Variants in TESC observed in about 807,000 individuals in gnomAD.
TESC encodes calcineurin B homologous protein 3.
In TESC, 19 loss-of-function variants were observed where a neutral mutation model predicts 31.0. The observed-to-expected ratio is 0.61, with a 90% CI of 0.43 to 0.90. TESC has a LOEUF of 0.90. Among genes scored for constraint, TESC ranks in the 40% least tolerant of loss-of-function variants. The probability of loss-of-function intolerance (pLI) is 0.00; values close to 1 mark genes in which losing one functional copy is unlikely to be tolerated. For synonymous variants in TESC, 109 were observed against 114.8 expected, an observed-to-expected ratio of 0.95 and a Z score of 0.32; for missense variants, 248 against 303.8, an observed-to-expected ratio of 0.82 and a Z score of 1.36.
rs1954732197 is a variant in TESC at position 117,056,803 on chromosome 12, C to T, written c.209+3G>A. On this transcript the variant is annotated splice_donor_region_variant and intron_variant, in intron 3 of 7. Transcript: ENST00000335209. Reference sequence around the variant, plus strand: ...CTGGGCTGGTTCAGGGGAAAACGCCCACCTGTTGTCGAAGAAGGCACGAAC... The same window carrying T: ...CTGGGCTGGTTCAGGGGAAAACGCCTACCTGTTGTCGAAGAAGGCACGAAC... 6.2e-7 allele frequency: 1 copy of T among 1,614,064 alleles called. No individual in the cohort carries two copies. The highest frequency in any genetic ancestry group is 8.5e-7 in the Non-Finnish European group (1 of 1,179,980).
In TESC at chr12:117,099,269, T is replaced by G. The variant is rs1330388595; in HGVS notation, c.14A>C (p.His5Pro). 1 of 1,456,924 alleles carries G rather than the reference T, an allele frequency of 6.9e-7. No homozygotes were observed. The highest frequency in any genetic ancestry group is 9.0e-7 in the Non-Finnish European group (1 of 1,111,886). 90.2% of individuals were successfully genotyped at this position (1,456,924 alleles called of 1,614,324 possible). MGAA[H>P]SASEEVRELE... Reference sequence around the variant, plus strand: ...CTCCCGCACCTCCTCAGACGCGGAGTGGGCAGCGCCCATGGTGCCCGCGGC... The same window carrying G: ...CTCCCGCACCTCCTCAGACGCGGAGGGGGCAGCGCCCATGGTGCCCGCGGC... Residue 5 changes from histidine to proline, a missense_variant, in exon 1 of 8, where the codon CAC becomes CCC. Coordinates refer to ENST00000335209, the MANE Select transcript of TESC (RefSeq NM_017899.4).
chr12:117,059,105 G>A (rs1202643998), intron 2 of TESC, among the ~76,000 whole-genome samples: 1 of 152,254 alleles, frequency 6.6e-6, no homozygotes, highest in Non-Finnish European at 1.5e-5. Context: ...CGTCCGGGTG[G>A]GAAGTGATGA....
At chr12:117,086,145 T>C (rs1955216717) in intron 1 of TESC, among the ~76,000 whole-genome samples, 1 of 151,932 alleles carries the variant, frequency 6.6e-6, no homozygotes, top group South Asian at 2.1e-4. Context: ...GAGGAGGAAA[T>C]GGGGAGTGAC....
At chr12:117,064,455 GCCCCATGTCAGTC>G (rs1954844582) in intron 2 of TESC, among the ~76,000 whole-genome samples, 1 of 152,152 alleles carries the variant, frequency 6.6e-6, no homozygotes, top group Non-Finnish European at 1.5e-5. Context: ...CCCTGTCCCT[GCCCCATGTCAGTC>G]CCCCACTTTC....
At chr12:117,048,531 A>G (rs527328454) in intron 4 of TESC, 13 of 365,576 alleles carry the variant, frequency 3.6e-5, no homozygotes, top group Non-Finnish European at 6.0e-5. Context: ...CGGGAGCCAG[A>G]ACATAGTGGG....
At chr12:117,072,330 G>A (rs1224212847) in intron 2 of TESC, among the ~76,000 whole-genome samples, 1 of 152,150 alleles carries the variant, frequency 6.6e-6, no homozygotes, top group African/African-American at 2.4e-5. Context: ...CGATCCTCCA[G>A]CCTTGGCCTC....
rs183752420 is a variant in TESC at position 117,048,243 on chromosome 12, C to T, written c.349+776G>A. On this transcript the variant is annotated intron_variant, in intron 4 of 7. Transcript: ENST00000335209. ...GAAACCAGGGATTTGGACCTGAGTC[C>T]GTCCTGTTCCACGCCCCTTGGAGCA... Among the ~76,000 whole-genome samples the T allele has an allele frequency of 1.5e-3, 225 of 152,334 alleles. 1 individual carries two copies. Among genetic ancestry groups the T allele is most frequent in the Admixed American group, 2.4e-3 (36 of 15,302 alleles).
intron 2 of TESC, among the ~76,000 whole-genome samples, chr12:117,064,994 G>A (rs1490639109): frequency 6.6e-6 from 1 of 152,232 alleles, no homozygotes; most frequent in Non-Finnish European, 1.5e-5. Context: ...TAGAGCCCTG[G>A]GGTGGGGAAC....
At chr12:117,075,224 G>A (rs1442971180) in intron 2 of TESC, 47 bp downstream of exon 2, 1 of 1,576,674 alleles carries the variant, frequency 6.3e-7, no homozygotes, top group East Asian at 2.3e-5. Flanking sequence ...CAAGAAATTT[G>A]CAAGGGCATG....
rs573501996 is a variant in TESC, at chr12:117,093,025, C to G, written c.58+6200G>C. On this transcript the variant is annotated intron_variant, in intron 1 of 7. Coordinates refer to ENST00000335209, the MANE Select transcript of TESC (RefSeq NM_017899.4). ...ACCTAGCCCAGAGGAAGAGAAAAGG[C>G]ACGGGGGACTGGCTGGTTGGCTGTT... 1.2e-4 allele frequency among the ~76,000 whole-genome samples: 19 copies of G among 152,304 alleles called. No individual in the cohort carries two copies. The South Asian group carries it at 3.7e-3, about 30-fold the overall frequency.
rs149335209 is a variant in TESC, at chr12:117,093,067, G to A, written c.58+6158C>T. On this transcript the variant is annotated intron_variant, in intron 1 of 7. Coordinates refer to ENST00000335209, the MANE Select transcript of TESC (RefSeq NM_017899.4). Reference sequence around the variant, plus strand: ...TTGGCTGTTCAGCTTACCAAGCTTTGGCGGACGACAGAACAGTGTGGAGCT... The same window carrying A: ...TTGGCTGTTCAGCTTACCAAGCTTTAGCGGACGACAGAACAGTGTGGAGCT... Among the ~76,000 whole-genome samples, 12 of 152,308 alleles carry A rather than the reference G, an allele frequency of 7.9e-5. No individual in the cohort carries two copies. The East Asian group carries it at 2.3e-3, about 29-fold the overall frequency.
chr12:117,081,821 T>C lies in TESC; in HGVS notation c.59-6481A>G, dbSNP rs1305815016. Among the ~76,000 whole-genome samples the C allele has an allele frequency of 2.0e-5, 3 of 152,010 alleles. No individual in the cohort carries two copies. The South Asian group carries it at 6.2e-4, about 32-fold the overall frequency. ...CAGGAGGCTGAGGCAGGAGAATCAC[T>C]TGAACCTGGGAGGTGGAGGTTGCAG... is the stretch of plus-strand genomic sequence containing the variant. On this transcript the variant is annotated intron_variant, in intron 1 of 7. Transcript: ENST00000335209.
chr12:117,053,132 C>T (rs1954672577), intron 3 of TESC, among the ~76,000 whole-genome samples: 1 of 152,204 alleles, frequency 6.6e-6, no homozygotes, highest in Non-Finnish European at 1.5e-5. Flanking sequence ...CTTCTGGACA[C>T]CCGACATTCC....
intron 1 of TESC, among the ~76,000 whole-genome samples, chr12:117,091,464 T>C (rs994567368): frequency 2.0e-5 from 3 of 152,170 alleles, no homozygotes; most frequent in Non-Finnish European, 2.9e-5. Flanking sequence ...CTGGAGACCA[T>C]TAACTCACAA....
At chr12:117,075,836 CGT>C (rs202077142) in intron 1 of TESC, among the ~76,000 whole-genome samples, 1,159 of 54,914 alleles carry the variant, frequency 0.021, 56 homozygotes, top group African/African-American at 0.071. Flanking sequence ...GGCTAATTTT[CGT>C]GTGTGTGTGT....
Position 117,087,697 on chromosome 12 carries a change from G to A in TESC, c.58+11528C>T, listed in dbSNP as rs191787173. 4.7e-4 allele frequency among the ~76,000 whole-genome samples: 71 copies of A among 152,306 alleles called. 1 individual carries two copies. The highest frequency in any genetic ancestry group is 1.0e-4 in the Non-Finnish European group (7 of 68,028). On this transcript the variant is annotated intron_variant, in intron 1 of 7. Coordinates refer to ENST00000335209, the MANE Select transcript of TESC (RefSeq NM_017899.4). ...GTAATAATAACCACCATGTGCTTTA[G>A]CTGGGCGTGCTGGTGCACGTCTGTC...
At chr12:117,046,168 G>C (rs888514668) in intron 6 of TESC, among the ~76,000 whole-genome samples, 1 of 152,204 alleles carries the variant, frequency 6.6e-6, no homozygotes, top group Non-Finnish European at 1.5e-5. Context: ...TTCGAGGCCA[G>C]AAGTTGCCTC....
chr12:117,065,439 C>T (rs978639897), intron 2 of TESC, among the ~76,000 whole-genome samples: 3 of 152,116 alleles, frequency 2.0e-5, no homozygotes, highest in Admixed American at 6.5e-5. Flanking sequence ...GTGAGGCTGC[C>T]GTTCACCACA....
At chr12:117,053,776 G>A (rs554185754) in intron 3 of TESC, among the ~76,000 whole-genome samples, 3 of 151,764 alleles carry the variant, frequency 2.0e-5, no homozygotes, top group African/African-American at 7.3e-5. Context: ...ATACACACAC[G>A]CACGCACCCA....
Sources: gnomAD v4.1 joint callset for allele counts (sites outside exome capture counted in the v4.1 genomes callset) on GRCh38, gnomAD v4.1.1 for gene constraint, MANE v1.5 for transcripts, NCBI Gene and HGNC (gene_info 2026-07-23, HGNC 2026-07-21) for gene names.